The following ZRANB3 variants were observed in gnomAD, a reference collection of about 807,000 sequenced individuals.
The protein encoded by ZRANB3 is DNA annealing helicase and endonuclease ZRANB3.
Under a neutral mutation model 133.8 loss-of-function variants are expected in ZRANB3, and 125 were observed. The ratio of observed to expected loss-of-function variants is 0.93; its 90% confidence interval spans 0.81 to 1.08. ZRANB3 has a LOEUF of 1.08. ZRANB3 is among the 50% of genes least tolerant of loss of function. The pLI is 0.00. For synonymous variants in ZRANB3, 387 were observed against 432.7 expected (o/e 0.89, Z 1.31); for missense variants, 1,229 against 1,275.5 (o/e 0.96, Z 0.56).
chr2:135,417,450 G>C (rs1468588413), intron 2 of ZRANB3, among the ~76,000 whole-genome samples: 1 of 152,024 alleles, frequency 6.6e-6, no homozygotes, highest in African/African-American at 2.4e-5. Context: ...TCATTAAAAA[G>C]TCAGGAAACA....
At chr2:135,375,757 A>G (rs1300919710) in intron 3 of ZRANB3, among the ~76,000 whole-genome samples, 1 of 150,822 alleles carries the variant, frequency 6.6e-6, no homozygotes, top group Non-Finnish European at 1.5e-5. Context: ...TGGGAGTCTG[A>G]GGCAGGAGAA....
chr2:135,236,617 C>A (rs1695297470), intron 12 of ZRANB3, among the ~76,000 whole-genome samples: 1 of 152,078 alleles, frequency 6.6e-6, no homozygotes, highest in Non-Finnish European at 1.5e-5. Flanking sequence ...CAGAACAGAG[C>A]CCTCAGAAAT....
At chr2:135,386,190 C>A (rs1000352322) in intron 3 of ZRANB3, among the ~76,000 whole-genome samples, 2 of 152,092 alleles carry the variant, frequency 1.3e-5, no homozygotes, top group African/African-American at 2.4e-5. Flanking sequence ...AGGATATGAA[C>A]AGACACTTCT....
chr2:135,343,731 CAT>C (rs1684800878), intron 6 of ZRANB3, among the ~76,000 whole-genome samples: 1 of 149,968 alleles, frequency 6.7e-6, no homozygotes, highest in Admixed American at 6.6e-5. Context: ...AAACAGCACA[CAT>C]AGACAACTGA....
chr2:135,329,541 G>T (rs1016249221), intron 6 of ZRANB3, among the ~76,000 whole-genome samples: 6 of 152,208 alleles, frequency 3.9e-5, no homozygotes, highest in African/African-American at 1.2e-4. Context: ...TGGCAATGCA[G>T]ACTCTTTTTT....
chr2:135,480,401 C>T (rs558826118), intron 2 of ZRANB3, among the ~76,000 whole-genome samples: 1 of 152,144 alleles, frequency 6.6e-6, no homozygotes, highest in Non-Finnish European at 1.5e-5. Flanking sequence ...TCAATCTAGT[C>T]AGCCAAATAA....
chr2:135,408,606 A>C (rs1232506851), intron 2 of ZRANB3, among the ~76,000 whole-genome samples: 1 of 152,224 alleles, frequency 6.6e-6, no homozygotes, highest in African/African-American at 2.4e-5. Flanking sequence ...CTGGATTAAG[A>C]AAATGCGGCA....
intron 3 of ZRANB3, among the ~76,000 whole-genome samples, chr2:135,375,541 C>T (rs755424950): frequency 3.2e-4 from 49 of 152,238 alleles, no homozygotes; most frequent in Non-Finnish European, 4.9e-4. Context: ...AAAAACTAGC[C>T]GGGCATGGTG....
intron 2 of ZRANB3, among the ~76,000 whole-genome samples, chr2:135,475,750 A>C (rs1691474158): frequency 6.6e-6 from 1 of 152,216 alleles, no homozygotes; most frequent in Non-Finnish European, 1.5e-5. Flanking sequence ...TTAACCAAAG[A>C]AAAAATTAAA....
intron 2 of ZRANB3, among the ~76,000 whole-genome samples, chr2:135,490,261 T>C (rs893952907): frequency 2.0e-5 from 3 of 152,168 alleles, no homozygotes; most frequent in African/African-American, 7.2e-5. Context: ...AAAATGTCTA[T>C]CTGATGAGAA....
chr2:135,288,507 C>T (rs997364407), intron 8 of ZRANB3, among the ~76,000 whole-genome samples: 4 of 151,136 alleles, frequency 2.6e-5, no homozygotes, highest in Admixed American at 6.6e-5. Flanking sequence ...AGAATTGGTA[C>T]CAATTCAGTT....
intron 6 of ZRANB3, among the ~76,000 whole-genome samples, chr2:135,323,486 A>C (rs1683643914): frequency 6.6e-6 from 1 of 152,160 alleles, no homozygotes; most frequent in Admixed American, 6.6e-5. Context: ...TAGAATTGAC[A>C]AAGAACAGCC....
At position 135,235,480 on chromosome 2, in the gene ZRANB3, A is replaced by C. The variant is rs909327991; in HGVS notation, c.1540-4553T>G. 5.4e-3 allele frequency among the ~76,000 whole-genome samples: 828 copies of C among 152,296 alleles called. 7 individuals carry two copies. The highest frequency in any genetic ancestry group is 0.019 in the African/African-American group (797 of 41,566). The stretch of plus-strand genomic sequence containing the variant: ...GATACCAAAGCCTGGCAGAGACACA[A>C]CAAAAAAAGAGAATTTTAGACCAAT... On this transcript the variant is annotated intron_variant, in intron 12 of 20. Transcript: ENST00000264159.
intron 12 of ZRANB3, among the ~76,000 whole-genome samples, chr2:135,244,067 G>C (rs1573747136): frequency 7.6e-6 from 1 of 131,642 alleles, no homozygotes; most frequent in East Asian, 2.2e-4. Context: ...ATATTTTAAA[G>C]AATCTGTTTA....
chr2:135,233,418 A>T (rs1012649377), intron 12 of ZRANB3, among the ~76,000 whole-genome samples: 1 of 152,202 alleles, frequency 6.6e-6, no homozygotes, highest in African/African-American at 2.4e-5. Context: ...GCAGGCCAAC[A>T]TTCAAATTCA....
At chr2:135,276,059 G>A (rs1680806202) in intron 8 of ZRANB3, among the ~76,000 whole-genome samples, 1 of 152,032 alleles carries the variant, frequency 6.6e-6, no homozygotes, top group South Asian at 2.1e-4. Context: ...GGCCAAGAAG[G>A]AGTTGGCAGT....
chr2:135,288,803 T>G (rs1558889040), intron 8 of ZRANB3, among the ~76,000 whole-genome samples: 2 of 152,130 alleles, frequency 1.3e-5, no homozygotes, highest in Non-Finnish European at 1.5e-5. Flanking sequence ...TCTTCTTTTC[T>G]TGGTTAGCCT....
rs573806378 is a variant in ZRANB3, at chr2:135,225,204, AC to A, written c.2159-688del. On this transcript the variant is annotated intron_variant, in intron 14 of 20. Coordinates refer to ENST00000264159, the MANE Select transcript of ZRANB3 (RefSeq NM_032143.4). ...AATAGTGCATTTTACATAGGAAGAA[AC>A]TGAGGCACGTTAACTTACTTATGGT... is the stretch of plus-strand genomic sequence containing the variant. Among the ~76,000 whole-genome samples the A allele has an allele frequency of 4.4e-3, 674 of 152,318 alleles. 3 individuals carry two copies. Among genetic ancestry groups the A allele is most frequent in the Non-Finnish European group, 7.0e-3 (476 of 68,012 alleles).
intron 8 of ZRANB3, among the ~76,000 whole-genome samples, chr2:135,286,575 G>A (rs929255653): frequency 6.6e-6 from 1 of 152,058 alleles, no homozygotes; most frequent in Non-Finnish European, 1.5e-5. Flanking sequence ...CACTGCACTC[G>A]GCCTTATTTT....
Sources: gnomAD v4.1 joint callset for allele counts (sites outside exome capture counted in the v4.1 genomes callset) on GRCh38, gnomAD v4.1.1 for gene constraint, MANE v1.5 for transcripts, NCBI Gene and HGNC (gene_info 2026-07-23, HGNC 2026-07-21) for gene names.